KDM7A: variants seen among roughly 807,000 people sequenced by gnomAD.
KDM7A encodes lysine demethylase 7A.
In KDM7A, 28 loss-of-function variants were observed where a neutral mutation model predicts 114.8. The ratio of observed to expected loss-of-function variants is 0.24; its 90% CI spans 0.18 to 0.33. KDM7A has a LOEUF of 0.33. Among genes scored for constraint, KDM7A ranks in the 10% least tolerant of loss-of-function variants. KDM7A has a pLI of 1.00. For synonymous variants in KDM7A, 423 were observed against 397.8 expected, an observed-to-expected ratio of 1.06 and a Z score of -0.75; for missense variants, 942 against 1,142.5, an observed-to-expected ratio of 0.82 and a Z score of 2.53.
chr7:140,091,765 G>A, intron 19 of KDM7A, 39 bp downstream of exon 19: 2 of 1,602,336 alleles, frequency 1.2e-6, no homozygotes, highest in Non-Finnish European at 1.7e-6. Context: ...ATCACATACA[G>A]TCAGAAATAT....
At chr7:140,144,866 C>A (rs1242761454) in intron 1 of KDM7A, among the ~76,000 whole-genome samples, 1 of 152,064 alleles carries the variant, frequency 6.6e-6, no homozygotes, top group Non-Finnish European at 1.5e-5. Flanking sequence ...CTCATGAGAT[C>A]TGGTTTAAAA....
chr7:140,118,454 C>G (rs1053823832), intron 9 of KDM7A, among the ~76,000 whole-genome samples: 1 of 151,608 alleles, frequency 6.6e-6, no homozygotes, highest in South Asian at 2.1e-4. Flanking sequence ...TTTGCTCTGT[C>G]GCCATTGCAT....
intron 9 of KDM7A, among the ~76,000 whole-genome samples, chr7:140,114,671 C>T (rs572189703): frequency 3.3e-5 from 5 of 151,934 alleles, no homozygotes; most frequent in African/African-American, 4.8e-5. Context: ...GCTGCCCAGT[C>T]TGGGGAGTGA....
At chr7:140,103,078 C>T (rs1482645119) in intron 11 of KDM7A, among the ~76,000 whole-genome samples, 1 of 152,026 alleles carries the variant, frequency 6.6e-6, no homozygotes, top group Non-Finnish European at 1.5e-5. Flanking sequence ...AGCTTCTCAT[C>T]TGCACAAACT....
rs548601809 is a variant in KDM7A, at chr7:140,105,910, G to A, written c.1429-3750C>T. On this transcript the variant is annotated intron_variant, in intron 11 of 19. Coordinates refer to ENST00000397560, the MANE Select transcript of KDM7A (RefSeq NM_030647.2). The stretch of plus-strand genomic sequence containing the variant: ...TCTGGTAGAATTTGGCTGTGAATCC[G>A]TCTGGTCCTGGACTTTTTTTGGGTG... Among the ~76,000 whole-genome samples the A allele has an allele frequency of 1.3e-3, 194 of 152,196 alleles. 2 individuals carry two copies. Among genetic ancestry groups the A allele is most frequent in the African/African-American group, 4.4e-3 (184 of 41,510 alleles).
intron 1 of KDM7A, among the ~76,000 whole-genome samples, chr7:140,162,257 C>T (rs906466381): frequency 6.6e-6 from 1 of 151,828 alleles, no homozygotes; most frequent in Admixed American, 6.6e-5. Flanking sequence ...ATCGCTTAAA[C>T]CCAGGAGGCG....
rs1038334332 is a variant in KDM7A, at chr7:140,087,215, T to C, written c.*3879A>G. 3.9e-5 allele frequency: 6 copies of C among 152,238 alleles called. No homozygotes were observed. The highest frequency in any genetic ancestry group is 8.8e-5 in the Non-Finnish European group (6 of 68,048). 9.4% of individuals were successfully genotyped at this position (152,238 alleles called of 1,614,324 possible). A position where few individuals can be genotyped will look rare whatever the true frequency, so the allele number is the denominator to read the frequency against. ...AAGTCATTTTAATTCCATGACTTCCTTCACCTTTATCTAGTACCTGAAGAG... is the reference window on the plus strand; with the variant it reads ...AAGTCATTTTAATTCCATGACTTCCCTCACCTTTATCTAGTACCTGAAGAG... On this transcript the variant is annotated 3_prime_UTR_variant, in exon 20 of 20. Transcript: ENST00000397560.
At chr7:140,161,274 T>C (rs1421305288) in intron 1 of KDM7A, among the ~76,000 whole-genome samples, 1 of 152,152 alleles carries the variant, frequency 6.6e-6, no homozygotes, top group African/African-American at 2.4e-5. Flanking sequence ...ACAAACCCAG[T>C]CCTTGGAGAG....
chr7:140,157,993 A>C (rs1292635852), intron 1 of KDM7A, among the ~76,000 whole-genome samples: 5 of 133,096 alleles, frequency 3.8e-5, no homozygotes, highest in Non-Finnish European at 7.9e-5. Flanking sequence ...TAAATAAATA[A>C]ATAATAATAA....
At chr7:140,124,904 G>A (rs1160697471) in intron 6 of KDM7A, 121 bp from the exon 7 acceptor site, 1 of 651,340 alleles carries the variant, frequency 1.5e-6, no homozygotes, top group African/African-American at 1.8e-5. Flanking sequence ...GATTCTTTTA[G>A]GTTCAAAAGA....
chr7:140,139,255 A>T, intron 1 of KDM7A, 65 bp from the exon 2 acceptor site: 1 of 1,084,750 alleles, frequency 9.2e-7, no homozygotes, highest in Admixed American at 1.8e-5. Flanking sequence ...ACTATAATAC[A>T]GTGGTTGGAA....
chr7:140,096,566 G>C lies in KDM7A; in HGVS notation c.2363C>G (p.Pro788Arg), dbSNP rs753895318. ...TTTATGTTTCTTACCACATTCCACT[G>C]GTTTATCATAGCGATACAACTGCCT... ...EVRQLYRYDK[P>R]VECGYHVKTE... The change falls in exon 17 of 20, where the codon CCA becomes CGA. Residue 788 changes from proline to arginine, a missense_variant. Pro to Arg is a moderately radical substitution (Grantham distance 103). Transcript: ENST00000397560. 6.2e-7 allele frequency: 1 copy of C among 1,613,102 alleles called. No individual in the cohort carries two copies.
chr7:140,175,133 G>A (rs897870380), intron 1 of KDM7A, among the ~76,000 whole-genome samples: 4 of 152,222 alleles, frequency 2.6e-5, no homozygotes, highest in African/African-American at 9.6e-5. Flanking sequence ...ACGAAACGAG[G>A]ACGCTGCCTT....
chr7:140,106,528 C>T (rs1001475519), intron 11 of KDM7A, among the ~76,000 whole-genome samples: 21 of 152,278 alleles, frequency 1.4e-4, no homozygotes, highest in African/African-American at 5.1e-4. Context: ...TTATTTCTGC[C>T]TTCATTTCAT....
chr7:140,138,972 A>T (rs1818911955), intron 2 of KDM7A, 133 bp downstream of exon 2: 1 of 546,906 alleles, frequency 1.8e-6, no homozygotes, highest in African/African-American at 1.9e-5. Context: ...CCTTGAGCAA[A>T]ATCTTTCCCT....
chr7:140,120,215 A>G (rs372003938), intron 8 of KDM7A, among the ~76,000 whole-genome samples: 2 of 152,158 alleles, frequency 1.3e-5, no homozygotes, highest in Non-Finnish European at 2.9e-5. Context: ...TATTATCTGA[A>G]TAAGTTCCCT....
intron 1 of KDM7A, among the ~76,000 whole-genome samples, chr7:140,154,499 T>TAAAAA (rs397974321): frequency 2.7e-5 from 2 of 74,306 alleles, no homozygotes; most frequent in Non-Finnish European, 5.7e-5. Flanking sequence ...CTCTTAAAAT[T>TAAAAA]AAAAAAAAAA....
chr7:140,147,255 T>C (rs553803386), intron 1 of KDM7A, among the ~76,000 whole-genome samples: 1 of 152,196 alleles, frequency 6.6e-6, no homozygotes, highest in Non-Finnish European at 1.5e-5. Context: ...TCTCTCTCAA[T>C]ACCAAGTACA....
chr7:140,108,658 G>A (rs1192333579), intron 11 of KDM7A, among the ~76,000 whole-genome samples: 1 of 152,200 alleles, frequency 6.6e-6, no homozygotes, highest in African/African-American at 2.4e-5. Flanking sequence ...GCACCCAGCT[G>A]TATGAGGTGT....
Sources: gnomAD v4.1 joint callset for allele counts (sites outside exome capture counted in the v4.1 genomes callset) on GRCh38, gnomAD v4.1.1 for gene constraint, MANE v1.5 for transcripts, NCBI Gene and HGNC (gene_info 2026-07-23, HGNC 2026-07-21) for gene names.